Variants in SEPTIN14 observed in about 807,000 individuals in gnomAD.
SEPTIN14 encodes the protein septin-14.
Under a neutral mutation model 53.6 loss-of-function variants are expected in SEPTIN14, and 40 were observed. The ratio of observed to expected loss-of-function variants is 0.75; its 90% CI spans 0.58 to 0.97. The LOEUF (loss-of-function observed/expected upper bound fraction) is 0.97, where lower values mean the gene tolerates loss of function less well. Ranked by LOEUF, SEPTIN14 falls within the 50% of genes least tolerant of loss-of-function variation. SEPTIN14 has a pLI of 0.00. For synonymous variants in SEPTIN14, 138 were observed against 166.8 expected, an observed-to-expected ratio of 0.83 and a Z score of 1.33; for missense variants, 471 against 508.2, an observed-to-expected ratio of 0.93 and a Z score of 0.70.
rs180999346 is a variant in SEPTIN14, at chr7:55,851,233, T to C, written c.55-4596A>G. Among the ~76,000 whole-genome samples, 210 of 152,352 alleles carry C rather than the reference T, an allele frequency of 1.4e-3. 2 individuals carry two copies. Among genetic ancestry groups the C allele is most frequent in the Middle Eastern group, 0.01 (3 of 294 alleles). On this transcript the variant is annotated intron_variant, in intron 2 of 9. Transcript: ENST00000388975. Reference sequence around the variant, plus strand: ...AAATTTTAACAAATGTGTATAGTAATGTAATCACCATCATGATCACCATAT... The same window carrying C: ...AAATTTTAACAAATGTGTATAGTAACGTAATCACCATCATGATCACCATAT...
At chr7:55,826,615 T>A (rs1352917561) in intron 6 of SEPTIN14, among the ~76,000 whole-genome samples, 1 of 152,086 alleles carries the variant, frequency 6.6e-6, no homozygotes, top group African/African-American at 2.4e-5. Context: ...CTGGCCAACA[T>A]GGCAAAACCC....
At chr7:55,801,336 T>C (rs1447857305) in intron 9 of SEPTIN14, among the ~76,000 whole-genome samples, 1 of 151,266 alleles carries the variant, frequency 6.6e-6, no homozygotes, top group Admixed American at 6.6e-5. Context: ...ACAAATAAAA[T>C]CAGAAATGAA....
chr7:55,833,980 C>T (rs1436578291), intron 6 of SEPTIN14, among the ~76,000 whole-genome samples: 1 of 151,716 alleles, frequency 6.6e-6, no homozygotes, highest in Non-Finnish European at 1.5e-5. Context: ...TATAAACTAC[C>T]AAGATGGAAT....
intron 2 of SEPTIN14, among the ~76,000 whole-genome samples, chr7:55,860,576 A>G (rs929101718): frequency 5.3e-5 from 8 of 152,234 alleles, no homozygotes; most frequent in African/African-American, 1.9e-4. Flanking sequence ...TATTCCAGGT[A>G]ATAGATACAT....
chr7:55,854,530 C>T (rs554399475), intron 2 of SEPTIN14, among the ~76,000 whole-genome samples: 2 of 151,962 alleles, frequency 1.3e-5, no homozygotes, highest in Admixed American at 6.6e-5. Context: ...CCCGGGTTCA[C>T]GCTATTCTCC....
chr7:55,839,165 A>C (rs1291384847), intron 5 of SEPTIN14, among the ~76,000 whole-genome samples: 1 of 152,122 alleles, frequency 6.6e-6, no homozygotes, highest in Non-Finnish European at 1.5e-5. Context: ...AGGCAGGCGG[A>C]TCACCTGAGG....
intron 2 of SEPTIN14, among the ~76,000 whole-genome samples, chr7:55,853,927 C>T (rs1789561979): frequency 6.6e-6 from 1 of 151,952 alleles, no homozygotes; most frequent in Non-Finnish European, 1.5e-5. Context: ...CCAATCTGGG[C>T]AACATAGTGA....
At chr7:55,853,694 G>T (rs1789557085) in intron 2 of SEPTIN14, among the ~76,000 whole-genome samples, 1 of 152,230 alleles carries the variant, frequency 6.6e-6, no homozygotes, top group East Asian at 1.9e-4. Context: ...CTAACACAAA[G>T]AAATGAAAAA....
At chr7:55,848,446 T>C (rs1789456917) in intron 2 of SEPTIN14, among the ~76,000 whole-genome samples, 1 of 150,518 alleles carries the variant, frequency 6.6e-6, no homozygotes, top group Non-Finnish European at 1.5e-5. Context: ...ACAGGTGTGA[T>C]CCACTGCACC....
intron 7 of SEPTIN14, chr7:55,811,251 TA>T: frequency 1.9e-6 from 1 of 524,364 alleles, no homozygotes; most frequent in South Asian, 1.5e-5. Flanking sequence ...CTGGATGTTG[TA>T]GAGTTTATCC....
intron 1 of SEPTIN14, 133 bp from the exon 2 acceptor site, chr7:55,862,144 C>G (rs142546215): frequency 1.7e-6 from 1 of 594,632 alleles, no homozygotes. Context: ...CACTATTCAT[C>G]TGTTTTAAAC....
Position 55,844,514 on chromosome 7 carries a change from A to T in SEPTIN14, c.371+9T>A, listed in dbSNP as rs1789366595. The T allele has an allele frequency of 7.0e-7, 1 of 1,422,898 alleles. No individual in the cohort carries two copies. Among genetic ancestry groups the T allele is most frequent in the African/African-American group, 1.4e-5 (1 of 70,116 alleles). 88.1% of individuals were successfully genotyped at this position (1,422,898 alleles called of 1,614,324 possible). On this transcript the variant is annotated intron_variant, in intron 4 of 9. Transcript: ENST00000388975. ...AAACCTTTTTTAATTTAAATAAGAA[A>T]ACACTCACCTGGCTTCTTTGTCTAT...
intron 6 of SEPTIN14, among the ~76,000 whole-genome samples, chr7:55,833,188 G>A (rs553549280): frequency 9.2e-5 from 14 of 151,958 alleles, no homozygotes; most frequent in African/African-American, 2.2e-4. Flanking sequence ...GGTGGCGCAC[G>A]CCTGTAGTCC....
intron 2 of SEPTIN14, among the ~76,000 whole-genome samples, chr7:55,857,721 G>C (rs2116084046): frequency 6.7e-6 from 1 of 149,828 alleles, no homozygotes; most frequent in Non-Finnish European, 1.5e-5. Context: ...CCGAGCAGCT[G>C]GGACTACAGG....
intron 2 of SEPTIN14, among the ~76,000 whole-genome samples, chr7:55,851,677 C>T (rs112711456): frequency 0.011 from 1,680 of 152,168 alleles, 19 homozygotes; most frequent in African/African-American, 0.03. Flanking sequence ...ATATTTAACT[C>T]AATCCCTATC....
intron 5 of SEPTIN14, among the ~76,000 whole-genome samples, chr7:55,835,729 A>G (rs1156797685): frequency 6.6e-6 from 1 of 151,916 alleles, no homozygotes; most frequent in African/African-American, 2.4e-5. Flanking sequence ...AAGAATATAG[A>G]TGTTTTTGAT....
At chr7:55,852,631 A>T (rs1241639683) in intron 2 of SEPTIN14, among the ~76,000 whole-genome samples, 1 of 152,206 alleles carries the variant, frequency 6.6e-6, no homozygotes, top group Non-Finnish European at 1.5e-5. Context: ...GACCTGGGCA[A>T]ATATTTCTTG....
In SEPTIN14 at chr7:55,819,191, T is replaced by C; in HGVS notation, c.753A>G (p.Thr251=). 6.3e-7 allele frequency: 1 copy of C among 1,579,320 alleles called. No individual in the cohort carries two copies. The highest frequency in any genetic ancestry group is 1.3e-5 in the African/African-American group (1 of 74,414). ...TCCTTTTTCCAACTTTCACTTCATC[T>C]GTACTCCCTACCACAGCAAAGGGTA... The part of the protein sequence containing the change: ...GLLPFAVVGS[T]DEVKVGKRMV... Residue 251 remains threonine (T), a synonymous_variant, in exon 7 of 10, where the codon ACA becomes ACG. Coordinates refer to ENST00000388975, the MANE Select transcript of SEPTIN14 (RefSeq NM_207366.3).
rs369315523 is a variant in SEPTIN14 at position 55,797,071 on chromosome 7, C to T, written c.1120-979G>A. 5.7e-4 allele frequency among the ~76,000 whole-genome samples: 87 copies of T among 151,572 alleles called. No individual in the cohort carries two copies. In the East Asian group the frequency reaches 0.012, roughly 20 times the overall value. ...CCAGGAGGCGGAGGTTGCAGTAAGC[C>T]GAGACCGTGCCATTGCACTCTAGCC... On this transcript the variant is annotated intron_variant, in intron 9 of 9. Coordinates refer to ENST00000388975, the MANE Select transcript of SEPTIN14 (RefSeq NM_207366.3).
Sources: gnomAD v4.1 joint callset for allele counts (sites outside exome capture counted in the v4.1 genomes callset) on GRCh38, gnomAD v4.1.1 for gene constraint, MANE v1.5 for transcripts, NCBI Gene and HGNC (gene_info 2026-07-23, HGNC 2026-07-21) for gene names.